The following ZNF789 variants were observed in gnomAD, a reference collection of about 807,000 sequenced individuals.
ZNF789 encodes zinc finger protein 789.
In ZNF789, 11 loss-of-function variants were observed where a neutral mutation model predicts 15.6. The observed-to-expected ratio is 0.70, with a 90% CI of 0.44 to 1.16. The LOEUF (loss-of-function observed/expected upper bound fraction) is 1.16, where lower values mean the gene tolerates loss of function less well. ZNF789 is among the 50% of genes most tolerant of loss of function. ZNF789 has a pLI of 0.00. For missense variants in ZNF789, 461 were observed against 512.6 expected, an observed-to-expected ratio of 0.90 and a Z score of 0.97; for synonymous variants, 159 against 176.0, an observed-to-expected ratio of 0.90 and a Z score of 0.76.
At chr7:99,484,177 A>G in intron 4 of ZNF789, 34 bp downstream of exon 4, 1 of 1,547,544 alleles carries the variant, frequency 6.5e-7, no homozygotes, top group South Asian at 1.1e-5. Context: ...GAGTGGAATC[A>G]GGAAGAGGAA....
intron 3 of ZNF789, chr7:99,481,226 G>A (rs1799609843): frequency 6.6e-6 from 1 of 152,152 alleles, no homozygotes; most frequent in Non-Finnish European, 1.5e-5. Context: ...TTTCCCATGT[G>A]GGGACATTGA....
At chr7:99,486,045 C>T (rs976528069) in intron 4 of ZNF789, among the ~76,000 whole-genome samples, 4 of 151,974 alleles carry the variant, frequency 2.6e-5, no homozygotes, top group East Asian at 3.9e-4. Context: ...GGGCTGGGTG[C>T]GGTGGCTCAC....
In ZNF789 at chr7:99,480,311, C is replaced by T. The variant is rs150047954; in HGVS notation, c.151+524C>T. On this transcript the variant is annotated intron_variant, in intron 3 of 4. Transcript: ENST00000331410. ...CTGCATTCCAGCCTGGGTGACAGAGCGAGACTCCGTCTCAAAACAAAACAA... is the reference window on the plus strand; with the variant it reads ...CTGCATTCCAGCCTGGGTGACAGAGTGAGACTCCGTCTCAAAACAAAACAA... 858 of 153,578 alleles carry T rather than the reference C, an allele frequency of 5.6e-3. 10 individuals carry two copies. Among genetic ancestry groups the T allele is most frequent in the African/African-American group, 0.019 (805 of 41,590 alleles). The allele number at this position is 153,578 out of a possible 1,614,324, so 9.5% of individuals were successfully genotyped here.
At chr7:99,486,419 CCTTT>C (rs1239865540) in intron 4 of ZNF789, 53 bp from the exon 5 acceptor site, 23 of 1,497,992 alleles carry the variant, frequency 1.5e-5, no homozygotes, top group Non-Finnish European at 2.1e-5. Flanking sequence ...GCCTTCTCTT[CCTTT>C]TTTTCTTCTG....
rs755752640 is a variant in ZNF789 at position 99,486,821 on chromosome 7, G to A, written c.611G>A (p.Ser204Asn). The A allele has an allele frequency of 7.4e-6, 12 of 1,614,116 alleles. No homozygotes were observed. The highest frequency in any genetic ancestry group is 1.1e-5 in the South Asian group (1 of 91,092). Reference protein sequence around the residue: ...ILTRAKSYECSECGKVIRRKA... With the variant: ...ILTRAKSYECNECGKVIRRKA... ...ACAAGAGCAAAGTCTTATGAATGCA[G>A]TGAATGTGGAAAAGTCATTAGGCGT... The change falls in exon 5 of 5, where the codon AGT becomes AAT. Residue 204 changes from serine (S) to asparagine (N), a missense_variant. Ser to Asn is a conservative substitution (Grantham distance 46). Coordinates refer to ENST00000331410, the MANE Select transcript of ZNF789 (RefSeq NM_213603.3).
At chr7:99,485,209 T>C in intron 4 of ZNF789, 3 of 1,536,122 alleles carry the variant, frequency 2.0e-6, no homozygotes, top group South Asian at 2.4e-5. Context: ...CCGATGCAGC[T>C]GCTCCTGTTT....
At chr7:99,474,526 G>A (rs1435705523) in intron 1 of ZNF789, among the ~76,000 whole-genome samples, 1 of 151,978 alleles carries the variant, frequency 6.6e-6, no homozygotes, top group African/African-American at 2.4e-5. Context: ...CCCGGGAGGC[G>A]GAGCTTGCAG....
At position 99,486,912 on chromosome 7, in the gene ZNF789, T is replaced by C. The variant is rs375509069; in HGVS notation, c.702T>C (p.Cys234=). ...FLENPFECKV[C]GQAFRQRSAL... ...AGAATCCTTTTGAGTGTAAGGTCTG[T>C]GGGCAAGCCTTCAGACAGCGGTCAG... Residue 234 remains cysteine (C), a synonymous_variant, in exon 5 of 5, where the codon TGT becomes TGC. Transcript: ENST00000331410. 1.9e-6 allele frequency: 3 copies of C among 1,614,048 alleles called. No homozygotes were observed. The highest frequency in any genetic ancestry group is 2.7e-5 in the African/African-American group (2 of 74,920).
At chr7:99,477,117 A>T (rs1799378340) in intron 2 of ZNF789, among the ~76,000 whole-genome samples, 1 of 151,196 alleles carries the variant, frequency 6.6e-6, no homozygotes, top group African/African-American at 2.4e-5. Context: ...ATCTCAGCTC[A>T]CTGCATCCTC....
chr7:99,483,063 C>T (rs1799732553), intron 3 of ZNF789, among the ~76,000 whole-genome samples: 1 of 150,464 alleles, frequency 6.6e-6, no homozygotes, highest in Non-Finnish European at 1.5e-5. Context: ...AACCTCGTCT[C>T]TATTAAAAAT....
Position 99,486,985 on chromosome 7 carries a change from T to C in ZNF789, c.775T>C (p.Cys259Arg). The C allele has an allele frequency of 1.2e-6, 2 of 1,614,162 alleles. No individual in the cohort carries two copies. The highest frequency in any genetic ancestry group is 8.5e-7 in the Non-Finnish European group (1 of 1,180,040). ...TCACCTGCAAAACAAGCCATACAGATGTCATGACTGTGGAAAGTGTTTTCG... is the reference window on the plus strand; with the variant it reads ...TCACCTGCAAAACAAGCCATACAGACGTCATGACTGTGGAAAGTGTTTTCG... ...QCHLQNKPYRCHDCGKCFRQL... is the reference protein window; with the variant it reads ...QCHLQNKPYRRHDCGKCFRQL... Residue 259 changes from cysteine to arginine, a missense_variant, in exon 5 of 5, where the codon TGT (cysteine) becomes CGT (arginine). Cys to Arg is a radical substitution (Grantham distance 180). Transcript: ENST00000331410.
chr7:99,475,523 G>A (rs1799282029), intron 1 of ZNF789, among the ~76,000 whole-genome samples: 1 of 152,218 alleles, frequency 6.6e-6, no homozygotes, highest in Non-Finnish European at 1.5e-5. Context: ...AGCAGGTGGA[G>A]CTGGCTGTAG....
chr7:99,481,050 T>G (rs1326615512), intron 3 of ZNF789: 1 of 152,278 alleles, frequency 6.6e-6, no homozygotes, highest in East Asian at 1.9e-4. Flanking sequence ...GAAGGTTTCC[T>G]GCCAGTCTTT....
At position 99,484,137 on chromosome 7, in the gene ZNF789, T is replaced by A; in HGVS notation, c.259T>A (p.Cys87Ser). 6.2e-7 allele frequency: 1 copy of A among 1,613,458 alleles called. No individual in the cohort carries two copies. The highest frequency in any genetic ancestry group is 8.5e-7 in the Non-Finnish European group (1 of 1,179,656). Reference protein sequence around the residue: ...TGNRKASGSACPGSEARHKMK... With the variant: ...TGNRKASGSASPGSEARHKMK... The stretch of plus-strand genomic sequence containing the variant: ...GAATAGGAAGGCTTCCGGTAGTGCT[T>A]GCCCAGGTGGGTGAGGAAGAGACCC... The change falls in exon 4 of 5, where the codon TGC becomes AGC. Residue 87 changes from cysteine to serine, a missense_variant. Cys to Ser is a moderately radical substitution (Grantham distance 112). Transcript: ENST00000331410.
intron 4 of ZNF789, among the ~76,000 whole-genome samples, chr7:99,484,705 G>T (rs1799830596): frequency 1.3e-5 from 2 of 152,102 alleles, no homozygotes; most frequent in South Asian, 4.1e-4. Context: ...GAGGCAGGAG[G>T]ATCACTTGAG....
intron 1 of ZNF789, among the ~76,000 whole-genome samples, chr7:99,475,387 C>T (rs1469926511): frequency 1.3e-5 from 2 of 150,686 alleles, no homozygotes; most frequent in Non-Finnish European, 3.0e-5. Flanking sequence ...AAGAGTGAAA[C>T]TCTGTTTAAA....
Position 99,487,352 on chromosome 7 carries a change from A to T in ZNF789, c.1142A>T (p.Lys381Met). 6.2e-7 allele frequency: 1 copy of T among 1,614,278 alleles called. No individual in the cohort carries two copies. The highest frequency in any genetic ancestry group is 8.5e-7 in the Non-Finnish European group (1 of 1,180,052). ...GAATGTGGGAAAACGTTTAGTTTTA[A>T]GAGGAATCTTTTTCGACATCAGGTC... The part of the protein sequence containing the change: ...CGECGKTFSF[K>M]RNLFRHQVIH... Residue 381 changes from lysine (K) to methionine (M), a missense_variant, in exon 5 of 5, where the codon AAG becomes ATG. Physicochemically the swap from Lys to Met is moderately conservative, Grantham distance 95. Transcript: ENST00000331410.
chr7:99,478,666 C>G (rs1033652911), intron 2 of ZNF789: 14 of 331,476 alleles, frequency 4.2e-5, no homozygotes, highest in African/African-American at 2.8e-4. Flanking sequence ...AGTGTGGCAG[C>G]TTCAGTGCTC....
At chr7:99,482,583 G>T (rs1227837727) in intron 3 of ZNF789, among the ~76,000 whole-genome samples, 1 of 152,186 alleles carries the variant, frequency 6.6e-6, no homozygotes. Flanking sequence ...AGGCATGGTG[G>T]CTCATGCCTG....
Sources: allele counts gnomAD v4.1 joint callset (sites outside exome capture counted in the v4.1 genomes callset), GRCh38; gene constraint gnomAD v4.1.1; transcripts MANE v1.5; gene names NCBI Gene and HGNC (gene_info 2026-07-23, HGNC 2026-07-21).